The following MARCHF1 variants were observed in gnomAD, a reference collection of about 807,000 sequenced individuals.
MARCHF1 encodes membrane associated ring-CH-type finger 1, also known as E3 ubiquitin-protein ligase MARCHF1.
MARCHF1 carries 40 observed loss-of-function variants against 54.2 expected under a neutral mutation model. The observed-to-expected ratio is 0.74, with a 90% confidence interval of 0.57 to 0.96. The LOEUF (loss-of-function observed/expected upper bound fraction) is 0.96. Ranked by LOEUF, MARCHF1 falls within the 40% of genes least tolerant of loss-of-function variation. The probability of loss-of-function intolerance (pLI) is 0.00; values close to 1 mark genes in which losing one functional copy is unlikely to be tolerated. For missense variants in MARCHF1, 586 were observed against 656.5 expected (o/e 0.89, Z 1.17); for synonymous variants, 236 against 236.3 (o/e 1.00, Z 0.01).
intron 5 of MARCHF1, among the ~76,000 whole-genome samples, chr4:163,677,400 C>T (rs1230916619): frequency 4.6e-5 from 7 of 152,132 alleles, no homozygotes; most frequent in Admixed American, 4.6e-4. Flanking sequence ...ACTGGCCTTC[C>T]ATGGTACCAG....
intron 4 of MARCHF1, among the ~76,000 whole-genome samples, chr4:163,746,085 G>A (rs1415810029): frequency 6.6e-6 from 1 of 152,178 alleles, no homozygotes; most frequent in Non-Finnish European, 1.5e-5. Flanking sequence ...TTGGACAAAT[G>A]TATAATGACA....
chr4:164,114,121 T>C (rs148139358), intron 1 of MARCHF1, among the ~76,000 whole-genome samples: 1,772 of 152,064 alleles, frequency 0.012, 36 homozygotes, highest in South Asian at 0.041. Context: ...CCTGTGCTTC[T>C]GAACAAGTAG....
At chr4:164,285,841 A>G (rs1472205120) in intron 1 of MARCHF1, among the ~76,000 whole-genome samples, 2 of 143,832 alleles carry the variant, frequency 1.4e-5, no homozygotes, top group Admixed American at 1.4e-4. Flanking sequence ...AAAAAAAAAA[A>G]GGCCAAACTG....
At chr4:164,197,293 T>A (rs1347876516) in intron 1 of MARCHF1, 1 of 1,611,750 alleles carries the variant, frequency 6.2e-7, no homozygotes, top group East Asian at 2.2e-5. Context: ...GCTGTCGAGA[T>A]ATGTGAGTTG....
intron 1 of MARCHF1, among the ~76,000 whole-genome samples, chr4:164,176,966 CTCTCTCTCTCTCTCTATA>C (rs1172805063): frequency 1.0e-3 from 48 of 46,722 alleles, no homozygotes; most frequent in African/African-American, 4.8e-3. Flanking sequence ...CTCTCTCTCT[CTCTCTCTCTCTCTCTATA>C]TATATATATA....
intron 1 of MARCHF1, among the ~76,000 whole-genome samples, chr4:164,287,835 C>T (rs1339899488): frequency 2.0e-5 from 3 of 152,008 alleles, no homozygotes; most frequent in African/African-American, 7.2e-5. Flanking sequence ...ATAGCTAATG[C>T]TTGATCACAT....
At chr4:164,355,219 C>T (rs1578892728) in intron 1 of MARCHF1, among the ~76,000 whole-genome samples, 1 of 67,902 alleles carries the variant, frequency 1.5e-5, no homozygotes, top group South Asian at 6.5e-4. Flanking sequence ...AATGCCATCC[C>T]CATCAAGCTA....
At chr4:164,302,231 G>C (rs1233421861) in intron 1 of MARCHF1, among the ~76,000 whole-genome samples, 2 of 152,058 alleles carry the variant, frequency 1.3e-5, no homozygotes, top group Non-Finnish European at 2.9e-5. Flanking sequence ...GCTTATCAAA[G>C]ACACTCTGGG....
rs115738638 is a variant in MARCHF1, at chr4:163,655,256, G to A, written c.163-41863C>T. ...TTATTTTTGTATTTCATGACATTTC[G>A]TACTTAATTTTCTTCTTGAATAAGT... On this transcript the variant is annotated intron_variant, in intron 5 of 9. Transcript: ENST00000514618. Among the ~76,000 whole-genome samples, 281 of 151,316 alleles carry A rather than the reference G, an allele frequency of 1.9e-3. 1 individual carries two copies. The highest frequency in any genetic ancestry group is 0.011 in the South Asian group (55 of 4,800).
At chr4:164,288,894 A>G (rs971641777) in intron 1 of MARCHF1, among the ~76,000 whole-genome samples, 1 of 152,052 alleles carries the variant, frequency 6.6e-6, no homozygotes, top group Non-Finnish European at 1.5e-5. Flanking sequence ...TTCTCAATCA[A>G]TTAAAACCTG....
intron 2 of MARCHF1, among the ~76,000 whole-genome samples, chr4:164,070,180 G>A (rs1265345709): frequency 6.6e-6 from 1 of 152,110 alleles, no homozygotes; most frequent in Non-Finnish European, 1.5e-5. Flanking sequence ...CTCCCTATCT[G>A]GGTGCAATAT....
intron 4 of MARCHF1, among the ~76,000 whole-genome samples, chr4:163,792,500 A>G (rs887062231): frequency 1.3e-5 from 2 of 152,036 alleles, no homozygotes; most frequent in African/African-American, 4.8e-5. Context: ...AATATTCTAT[A>G]TCTGTAAATT....
chr4:164,363,767 G>A (rs773081718), intron 1 of MARCHF1, among the ~76,000 whole-genome samples: 2 of 33,732 alleles, frequency 5.9e-5, no homozygotes, highest in Admixed American at 4.1e-4. Flanking sequence ...TTAATAAGCC[G>A]TGTGTGTGTG....
At chr4:164,033,612 A>G (rs1367508523) in intron 2 of MARCHF1, among the ~76,000 whole-genome samples, 1 of 152,238 alleles carries the variant, frequency 6.6e-6, no homozygotes, top group Non-Finnish European at 1.5e-5. Context: ...AAAGTGGGCA[A>G]AGTATATGAA....
intron 1 of MARCHF1, among the ~76,000 whole-genome samples, chr4:164,229,515 T>C (rs1289900301): frequency 6.6e-6 from 1 of 152,154 alleles, no homozygotes; most frequent in African/African-American, 2.4e-5. Context: ...AGGGTTTCAG[T>C]CTGTCACTCA....
At chr4:164,070,883 G>A (rs909128823) in intron 2 of MARCHF1, among the ~76,000 whole-genome samples, 2 of 152,072 alleles carry the variant, frequency 1.3e-5, no homozygotes, top group Non-Finnish European at 2.9e-5. Flanking sequence ...GTTGTGGGAG[G>A]GACCCTGGGA....
chr4:163,868,783 T>A (rs1362506825), intron 3 of MARCHF1, among the ~76,000 whole-genome samples: 1 of 152,000 alleles, frequency 6.6e-6, no homozygotes, highest in Non-Finnish European at 1.5e-5. Flanking sequence ...AAAATGTTTT[T>A]TGACACGATA....
At chr4:164,312,315 TTTTC>T (rs1734873269) in intron 1 of MARCHF1, among the ~76,000 whole-genome samples, 1 of 126,044 alleles carries the variant, frequency 7.9e-6, no homozygotes, top group Admixed American at 9.3e-5. Flanking sequence ...ATTATTTTCT[TTTTC>T]TTTTTTTTTT....
chr4:163,822,792 C>A (rs1399444398), intron 4 of MARCHF1, among the ~76,000 whole-genome samples: 2 of 151,774 alleles, frequency 1.3e-5, no homozygotes, highest in African/African-American at 4.8e-5. Flanking sequence ...TATACTCACC[C>A]TACTGATCTA....
Sources: gnomAD v4.1 joint callset for allele counts (sites outside exome capture counted in the v4.1 genomes callset) on GRCh38, gnomAD v4.1.1 for gene constraint, MANE v1.5 for transcripts, NCBI Gene and HGNC (gene_info 2026-07-23, HGNC 2026-07-21) for gene names.